CNTN6: variants seen among roughly 807,000 people sequenced by gnomAD.
CNTN6 encodes contactin-6.
CNTN6 carries 137 observed loss-of-function variants against 122.8 expected under a neutral mutation model. That is an observed-to-expected ratio of 1.12 (90% CI 0.97 to 1.29). The LOEUF is 1.29. CNTN6 is among the 50% of genes most tolerant of loss of function. The pLI is 0.00. For missense variants in CNTN6, 1,634 were observed against 1,223.4 expected, an observed-to-expected ratio of 1.34 and a Z score of -5.01; for synonymous variants, 570 against 426.0, an observed-to-expected ratio of 1.34 and a Z score of -4.16.
chr3:1,119,044 T>C (rs1454041190), intron 1 of CNTN6, among the ~76,000 whole-genome samples: 1 of 152,038 alleles, frequency 6.6e-6, no homozygotes, highest in Non-Finnish European at 1.5e-5. Flanking sequence ...TCTAACTACT[T>C]AGGGAAGGAA....
chr3:1,401,655 T>C (rs1292003529), intron 21 of CNTN6, 110 bp downstream of exon 21: 4 of 687,936 alleles, frequency 5.8e-6, no homozygotes, highest in Non-Finnish European at 9.8e-6. Context: ...CTGGAATCTT[T>C]TTCAAAATTA....
intron 4 of CNTN6, among the ~76,000 whole-genome samples, chr3:1,244,282 G>A (rs1430761240): frequency 6.6e-6 from 1 of 152,166 alleles, no homozygotes; most frequent in Admixed American, 6.5e-5. Flanking sequence ...CCAGAGAAAA[G>A]AGAGCGTAGA....
intron 1 of CNTN6, among the ~76,000 whole-genome samples, chr3:1,098,259 A>T (rs1049722513): frequency 9.3e-6 from 1 of 107,994 alleles, no homozygotes. Flanking sequence ...AAATAAAAAT[A>T]AAAAAAAGAG....
Position 1,177,674 on chromosome 3 carries a change from CAG to C in CNTN6, c.55+29613_55+29614del, listed in dbSNP as rs1204096972. ...CACTGGGTATAGAACTGTGGGCAGACAGATTTTTTTCTTTCAGCACTTTAAAG... is the reference window on the plus strand; with the variant it reads ...CACTGGGTATAGAACTGTGGGCAGACATTTTTTTCTTTCAGCACTTTAAAG... On this transcript the variant is annotated intron_variant, in intron 2 of 22. Transcript: ENST00000446702. Among the ~76,000 whole-genome samples, 3 of 152,048 alleles carry C rather than the reference CAG, an allele frequency of 2.0e-5. No individual in the cohort carries two copies. In the East Asian group the frequency reaches 5.8e-4, roughly 29 times the overall value.
At chr3:1,292,901 TCACACA>T (rs139871808) in intron 5 of CNTN6, among the ~76,000 whole-genome samples, 3 of 151,138 alleles carry the variant, frequency 2.0e-5, no homozygotes, top group African/African-American at 7.3e-5. Flanking sequence ...CATAAACATA[TCACACA>T]CACACACACA....
chr3:1,100,513 A>T (rs1287467899), intron 1 of CNTN6, among the ~76,000 whole-genome samples: 1 of 152,144 alleles, frequency 6.6e-6, no homozygotes, highest in Admixed American at 6.5e-5. Context: ...TATCTCATTT[A>T]GGCCTCTGCA....
At chr3:1,248,390 C>A (rs1011607150) in intron 4 of CNTN6, among the ~76,000 whole-genome samples, 2 of 152,072 alleles carry the variant, frequency 1.3e-5, no homozygotes, top group Non-Finnish European at 2.9e-5. Flanking sequence ...AAGTAAGTAC[C>A]AACCTTCCTA....
intron 1 of CNTN6, among the ~76,000 whole-genome samples, chr3:1,106,521 TACAC>T (rs57012485): frequency 0.18 from 26,350 of 149,110 alleles, 7,652 homozygotes; most frequent in African/African-American, 0.61. Flanking sequence ...CTGTCTGTAA[TACAC>T]ACACACACAC....
intron 20 of CNTN6, among the ~76,000 whole-genome samples, chr3:1,394,758 G>C (rs1224952491): frequency 2.0e-5 from 3 of 152,108 alleles, no homozygotes; most frequent in Non-Finnish European, 2.9e-5. Context: ...TGACCCAATT[G>C]ATCCTACAAA....
At chr3:1,163,508 C>A (rs2093179999) in intron 2 of CNTN6, among the ~76,000 whole-genome samples, 1 of 152,274 alleles carries the variant, frequency 6.6e-6, no homozygotes, top group Admixed American at 6.5e-5. Context: ...AACCCCTGGG[C>A]TCAAGAGATC....
At chr3:1,389,262 C>T (rs1394686913) in intron 20 of CNTN6, among the ~76,000 whole-genome samples, 2 of 152,106 alleles carry the variant, frequency 1.3e-5, no homozygotes, top group Non-Finnish European at 2.9e-5. Flanking sequence ...CAATATTCAA[C>T]ATTCTTAAAG....
At chr3:1,389,732 A>G (rs1003907962) in intron 20 of CNTN6, among the ~76,000 whole-genome samples, 2 of 150,342 alleles carry the variant, frequency 1.3e-5, no homozygotes, top group Non-Finnish European at 3.0e-5. Context: ...GAGCCAATGG[A>G]AAACAAAAAA....
At chr3:1,337,011 T>C (rs1407398803) in intron 11 of CNTN6, among the ~76,000 whole-genome samples, 1 of 152,172 alleles carries the variant, frequency 6.6e-6, no homozygotes, top group Non-Finnish European at 1.5e-5. Context: ...GTGCTACTTA[T>C]TGAGCAAGTC....
At chr3:1,144,597 A>C (rs555917781) in intron 1 of CNTN6, among the ~76,000 whole-genome samples, 1 of 112,228 alleles carries the variant, frequency 8.9e-6, no homozygotes, top group Non-Finnish European at 1.8e-5. Flanking sequence ...ATAATAATAA[A>C]AAATAAAAAA....
intron 12 of CNTN6, among the ~76,000 whole-genome samples, chr3:1,369,701 C>T (rs1263855282): frequency 6.6e-6 from 1 of 151,946 alleles, no homozygotes; most frequent in Non-Finnish European, 1.5e-5. Flanking sequence ...TAAATCTGGG[C>T]AGTTTTGCTC....
At chr3:1,402,564 C>T in intron 22 of CNTN6, 78 bp downstream of exon 22, 1 of 1,177,024 alleles carries the variant, frequency 8.5e-7, no homozygotes, top group Non-Finnish European at 1.2e-6. Flanking sequence ...ATGAAACCTT[C>T]CAGTTATGGC....
intron 20 of CNTN6, among the ~76,000 whole-genome samples, chr3:1,388,429 G>C (rs1693516954): frequency 6.6e-6 from 1 of 151,234 alleles, no homozygotes; most frequent in Non-Finnish European, 1.5e-5. Context: ...CATCATCAAA[G>C]ACCAAAAGTA....
intron 1 of CNTN6, among the ~76,000 whole-genome samples, chr3:1,120,788 T>A (rs1211738314): frequency 6.6e-6 from 1 of 151,944 alleles, no homozygotes; most frequent in African/African-American, 2.4e-5. Context: ...TATTTAAAAT[T>A]GATTTTTGTG....
Position 1,352,501 on chromosome 3 carries a change from C to T in CNTN6, c.1492+50C>T, listed in dbSNP as rs748219906. 7 of 1,597,188 alleles carry T rather than the reference C, an allele frequency of 4.4e-6. No individual in the cohort carries two copies. In the South Asian group the frequency reaches 6.7e-5, roughly 15 times the overall value. On this transcript the variant is annotated intron_variant, in intron 12 of 22. Coordinates refer to ENST00000446702, the MANE Select transcript of CNTN6 (RefSeq NM_001289080.2). ...TTGATGAACATTGTAAATATGCAGG[C>T]ATATTATGACTTGTGTTATGGTGTC...
Sources: allele counts gnomAD v4.1 joint callset (sites outside exome capture counted in the v4.1 genomes callset), GRCh38; gene constraint gnomAD v4.1.1; transcripts MANE v1.5; gene names NCBI Gene and HGNC (gene_info 2026-07-23, HGNC 2026-07-21).